NCKAP5: variants seen among roughly 807,000 people sequenced by gnomAD.
NCKAP5 encodes nck-associated protein 5.
In NCKAP5, 92 loss-of-function variants were observed where a neutral mutation model predicts 167.0. That is an observed-to-expected ratio of 0.55 (90% CI 0.47 to 0.66). The LOEUF (loss-of-function observed/expected upper bound fraction) is 0.66, where lower values mean the gene tolerates loss of function less well. Among genes scored for constraint, NCKAP5 ranks in the 30% least tolerant of loss-of-function variants. NCKAP5 has a pLI of 0.00. For synonymous variants in NCKAP5, 891 were observed against 877.4 expected (o/e 1.02, Z -0.27); for missense variants, 2,378 against 2,315.0 (o/e 1.03, Z -0.56).
chr2:132,902,775 A>G (rs1693727919), intron 8 of NCKAP5, among the ~76,000 whole-genome samples: 1 of 152,240 alleles, frequency 6.6e-6, no homozygotes, highest in Non-Finnish European at 1.5e-5. Flanking sequence ...AGGGGACTTA[A>G]CACATTAGAT....
chr2:133,006,207 C>T lies in NCKAP5; in HGVS notation c.342-11968G>A, dbSNP rs150130751. 5.5e-3 allele frequency among the ~76,000 whole-genome samples: 840 copies of T among 151,988 alleles called. 5 individuals are homozygous for T. Among genetic ancestry groups the T allele is most frequent in the Middle Eastern group, 0.01 (3 of 294 alleles). The stretch of plus-strand genomic sequence containing the variant: ...TCAGGAGGTCGAGGTTGCAGTGAGC[C>T]GAGATTACACTACTGCACTCCAGCC... On this transcript the variant is annotated intron_variant, in intron 6 of 19. Transcript: ENST00000409261.
intron 7 of NCKAP5, among the ~76,000 whole-genome samples, chr2:132,991,175 C>T (rs1218477712): frequency 1.3e-5 from 2 of 152,162 alleles, no homozygotes; most frequent in Admixed American, 1.3e-4. Context: ...CCTCTCTGAG[C>T]CTATGTCCAC....
intron 5 of NCKAP5, among the ~76,000 whole-genome samples, chr2:133,131,117 G>A (rs2082587748): frequency 6.6e-6 from 1 of 152,180 alleles, no homozygotes; most frequent in Non-Finnish European, 1.5e-5. Flanking sequence ...GGAAGTGATA[G>A]CAATGACAGA....
chr2:133,160,218 A>G (rs1348346846), intron 5 of NCKAP5, among the ~76,000 whole-genome samples: 2 of 152,108 alleles, frequency 1.3e-5, no homozygotes, highest in African/African-American at 2.4e-5. Context: ...CCCTGAAGGC[A>G]GTAGGGAAGG....
rs142590090 is a variant in NCKAP5, at chr2:133,341,145, T to A, written c.70-38035A>T. Among the ~76,000 whole-genome samples, 92 of 152,256 alleles carry A rather than the reference T, an allele frequency of 6.0e-4. 1 individual carries two copies. The East Asian group carries it at 0.017, about 29-fold the overall frequency. ...TTCCTTGTTATCTCCTACAACCACA[T>A]TCTTTTACCCCATGGAAAAAAAAAC... On this transcript the variant is annotated intron_variant, in intron 3 of 19. Transcript: ENST00000409261.
At chr2:132,747,054 T>G (rs1320430222) in intron 16 of NCKAP5, among the ~76,000 whole-genome samples, 4 of 151,826 alleles carry the variant, frequency 2.6e-5, no homozygotes, top group African/African-American at 9.7e-5. Context: ...ATAGTGGTTA[T>G]ACAACTGTAT....
At chr2:133,324,277 G>A (rs1195132866) in intron 3 of NCKAP5, among the ~76,000 whole-genome samples, 1 of 152,264 alleles carries the variant, frequency 6.6e-6, no homozygotes, top group East Asian at 1.9e-4. Flanking sequence ...GAGAGGGCAG[G>A]AGGCCTGAGT....
intron 4 of NCKAP5, among the ~76,000 whole-genome samples, chr2:133,285,908 G>A (rs919330092): frequency 1.3e-5 from 2 of 151,980 alleles, no homozygotes; most frequent in Non-Finnish European, 2.9e-5. Flanking sequence ...TGAAACTCAC[G>A]TCCTTCCTTT....
intron 3 of NCKAP5, among the ~76,000 whole-genome samples, chr2:133,454,539 C>T (rs1691732477): frequency 1.3e-5 from 2 of 152,040 alleles, no homozygotes; most frequent in South Asian, 4.1e-4. Context: ...GACTTGTAAA[C>T]TCAAGGTCTT....
chr2:133,110,804 T>TG (rs889124720), intron 6 of NCKAP5, among the ~76,000 whole-genome samples: 34 of 152,126 alleles, frequency 2.2e-4, no homozygotes, highest in Admixed American at 1.4e-3. Flanking sequence ...TACCACAGAC[T>TG]GGGGGGCTTC....
intron 3 of NCKAP5, among the ~76,000 whole-genome samples, chr2:133,353,361 A>G (rs1394345571): frequency 1.3e-5 from 2 of 152,162 alleles, no homozygotes; most frequent in South Asian, 2.1e-4. Context: ...TTCCATATCT[A>G]TCTCTACCCT....
intron 6 of NCKAP5, among the ~76,000 whole-genome samples, chr2:133,048,989 A>T (rs889426402): frequency 6.6e-6 from 1 of 152,190 alleles, no homozygotes. Context: ...GAATTCTCCC[A>T]TAAACACACT....
At chr2:132,833,828 C>A (rs1016320119) in intron 11 of NCKAP5, among the ~76,000 whole-genome samples, 1 of 152,084 alleles carries the variant, frequency 6.6e-6, no homozygotes, top group Non-Finnish European at 1.5e-5. Context: ...CTTAGGATTA[C>A]TTTGACTATT....
At chr2:133,296,309 A>G (rs888565004) in intron 4 of NCKAP5, among the ~76,000 whole-genome samples, 1 of 152,058 alleles carries the variant, frequency 6.6e-6, no homozygotes, top group African/African-American at 2.4e-5. Context: ...TCATCCCGAC[A>G]CAACCAATCA....
At chr2:133,037,822 A>G (rs2079086914) in intron 6 of NCKAP5, among the ~76,000 whole-genome samples, 1 of 152,194 alleles carries the variant, frequency 6.6e-6, no homozygotes, top group African/African-American at 2.4e-5. Context: ...AAGCTTCTAT[A>G]CAGCAAAGGA....
chr2:133,197,755 C>T (rs1266588382), intron 5 of NCKAP5, among the ~76,000 whole-genome samples: 1 of 152,238 alleles, frequency 6.6e-6, no homozygotes, highest in East Asian at 1.9e-4. Context: ...TAGAGACCAT[C>T]CTGGACAACA....
rs35406391 is a variant in NCKAP5, at chr2:133,130,069, G to A, written c.250C>T (p.Arg84Cys). The A allele has an allele frequency of 5.0e-6, 8 of 1,611,910 alleles. No individual in the cohort carries two copies. Among genetic ancestry groups the A allele is most frequent in the African/African-American group, 2.7e-5 (2 of 74,848 alleles). The change falls in exon 6 of 20, where the codon CGT becomes TGT. Residue 84 changes from arginine to cysteine, a missense_variant. Arg to Cys is a radical substitution (Grantham distance 180). Coordinates refer to ENST00000409261, the MANE Select transcript of NCKAP5 (RefSeq NM_207363.3). ...TGCAACCGCTTCTCGCTTTGAAGACGTAAGTGTCTCTCCTCTTCCAGTTCA... is the reference window on the plus strand; with the variant it reads ...TGCAACCGCTTCTCGCTTTGAAGACATAAGTGTCTCTCCTCTTCCAGTTCA... ...IHELEEERHL[R>C]LQSEKRLQEV...
intron 8 of NCKAP5, among the ~76,000 whole-genome samples, chr2:132,879,360 AAT>A (rs1429947700): frequency 6.6e-6 from 1 of 151,992 alleles, no homozygotes; most frequent in Non-Finnish European, 1.5e-5. Context: ...ATGCAAACTA[AAT>A]ATGTTACTTT....
intron 4 of NCKAP5, among the ~76,000 whole-genome samples, chr2:133,288,456 G>A (rs1174406940): frequency 3.3e-5 from 5 of 152,194 alleles, no homozygotes; most frequent in Admixed American, 6.5e-5. Flanking sequence ...CAATTAGCCA[G>A]GGAGTCTGAA....
Sources: allele counts gnomAD v4.1 joint callset (sites outside exome capture counted in the v4.1 genomes callset), GRCh38; gene constraint gnomAD v4.1.1; transcripts MANE v1.5; gene names NCBI Gene and HGNC (gene_info 2026-07-23, HGNC 2026-07-21).